SPON1: variants seen among roughly 807,000 people sequenced by gnomAD.
SPON1 encodes the protein spondin-1.
SPON1 carries 52 observed loss-of-function variants against 111.7 expected under a neutral mutation model. The ratio of observed to expected loss-of-function variants is 0.47; its 90% CI spans 0.37 to 0.59. SPON1 has a LOEUF of 0.59. Among genes scored for constraint, SPON1 ranks in the 20% least tolerant of loss-of-function variants. The pLI is 0.00. For missense variants in SPON1, 957 were observed against 1,068.5 expected, an observed-to-expected ratio of 0.90 and a Z score of 1.46; for synonymous variants, 410 against 395.8, an observed-to-expected ratio of 1.04 and a Z score of -0.43.
rs1316434751 is a variant in SPON1 at position 14,209,787 on chromosome 11, T to C, written c.826-33545T>C. Among the ~76,000 whole-genome samples the C allele has an allele frequency of 2.6e-5, 4 of 152,338 alleles. No individual in the cohort carries two copies. The East Asian group carries it at 7.7e-4, about 29-fold the overall frequency. ...TTTGGGTATATACCCAGTAATGGATTGCTGGGTCAAATGGTATTTCTAGTT... is the reference window on the plus strand; with the variant it reads ...TTTGGGTATATACCCAGTAATGGATCGCTGGGTCAAATGGTATTTCTAGTT... On this transcript the variant is annotated intron_variant, in intron 6 of 15. Coordinates refer to ENST00000576479, the MANE Select transcript of SPON1 (RefSeq NM_006108.4).
intron 1 of SPON1, among the ~76,000 whole-genome samples, chr11:13,981,259 G>C (rs1848141744): frequency 6.6e-6 from 1 of 152,154 alleles, no homozygotes; most frequent in Non-Finnish European, 1.5e-5. Flanking sequence ...AGGAGACTGG[G>C]GGTCCAATGG....
intron 5 of SPON1, among the ~76,000 whole-genome samples, chr11:14,116,900 T>C (rs1849271000): frequency 6.6e-6 from 1 of 152,208 alleles, no homozygotes; most frequent in Non-Finnish European, 1.5e-5. Context: ...GTTTTATAGC[T>C]TTCTGTGGAT....
In SPON1 at chr11:14,225,516, C is replaced by T. The variant is rs540230369; in HGVS notation, c.826-17816C>T. ...AAACTTCTAAGCTATTTATTTTCTT[C>T]CTTTTGCTTTGGAGATTGTGCTGTG... On this transcript the variant is annotated intron_variant, in intron 6 of 15. Coordinates refer to ENST00000576479, the MANE Select transcript of SPON1 (RefSeq NM_006108.4). Among the ~76,000 whole-genome samples, 8 of 152,206 alleles carry T rather than the reference C, an allele frequency of 5.3e-5. No homozygotes were observed. In the South Asian group the frequency reaches 1.7e-3, roughly 32 times the overall value.
chr11:14,220,895 A>G (rs1554937527), intron 6 of SPON1, among the ~76,000 whole-genome samples: 2 of 152,190 alleles, frequency 1.3e-5, no homozygotes, highest in Non-Finnish European at 2.9e-5. Context: ...GGATTAAAAT[A>G]GGAACAAAGT....
intron 2 of SPON1, among the ~76,000 whole-genome samples, chr11:14,041,026 A>G (rs1283796214): frequency 3.3e-5 from 5 of 152,220 alleles, no homozygotes; most frequent in Non-Finnish European, 7.3e-5. Context: ...CAATGCACAG[A>G]TTAAGGAAGT....
intron 6 of SPON1, among the ~76,000 whole-genome samples, chr11:14,165,101 C>T (rs1848012956): frequency 6.6e-6 from 1 of 152,102 alleles, no homozygotes; most frequent in Non-Finnish European, 1.5e-5. Flanking sequence ...AAGAAGGAGA[C>T]CTGCTTTGAC....
At chr11:14,065,530 A>T (rs1310878603) in intron 3 of SPON1, among the ~76,000 whole-genome samples, 2 of 152,250 alleles carry the variant, frequency 1.3e-5, no homozygotes, top group Admixed American at 6.5e-5. Flanking sequence ...CAGCTGAGAC[A>T]GGTTCTATTT....
intron 3 of SPON1, among the ~76,000 whole-genome samples, chr11:14,059,364 A>C (rs1167861597): frequency 6.6e-6 from 1 of 152,214 alleles, no homozygotes; most frequent in Non-Finnish European, 1.5e-5. Context: ...AACTGAATAA[A>C]GCAAAGTCAA....
At chr11:14,004,563 T>C (rs2133794538) in intron 2 of SPON1, among the ~76,000 whole-genome samples, 1 of 152,318 alleles carries the variant, frequency 6.6e-6, no homozygotes, top group South Asian at 2.1e-4. Flanking sequence ...GTGGTTTTAA[T>C]TTGCATTTCC....
At chr11:14,029,618 GCTC>G (rs1848544005) in intron 2 of SPON1, among the ~76,000 whole-genome samples, 1 of 152,112 alleles carries the variant, frequency 6.6e-6, no homozygotes, top group Non-Finnish European at 1.5e-5. Context: ...GAGAGGCCAG[GCTC>G]CTCCCCACTG....
chr11:14,089,402 T>G (rs1382909534), intron 5 of SPON1, among the ~76,000 whole-genome samples: 6 of 152,194 alleles, frequency 3.9e-5, no homozygotes, highest in Non-Finnish European at 5.9e-5. Context: ...CTTCTGCAGG[T>G]ATGCTGCAGT....
chr11:14,229,951 CGTGTGTGT>C (rs55709324), intron 6 of SPON1, among the ~76,000 whole-genome samples: 10,962 of 145,016 alleles, frequency 0.076, 423 homozygotes, highest in Admixed American at 0.082. Flanking sequence ...TCTGTGTGTC[CGTGTGTGT>C]GTGTGTGTGT....
chr11:14,067,089 A>G (rs1281249543), intron 3 of SPON1, among the ~76,000 whole-genome samples: 8 of 152,168 alleles, frequency 5.3e-5, no homozygotes, highest in African/African-American at 9.7e-5. Context: ...AGCCAGGAGG[A>G]TCACTTGAGT....
chr11:14,131,891 G>A (rs781865851), intron 5 of SPON1, among the ~76,000 whole-genome samples: 1 of 152,112 alleles, frequency 6.6e-6, no homozygotes, highest in Non-Finnish European at 1.5e-5. Flanking sequence ...TGCCTGTCTT[G>A]TCCCCCGAGG....
chr11:14,073,693 G>A (rs1476865134), intron 3 of SPON1, among the ~76,000 whole-genome samples: 1 of 152,114 alleles, frequency 6.6e-6, no homozygotes, highest in African/African-American at 2.4e-5. Context: ...TTTAATCAAG[G>A]TTGTGTTAAA....
At chr11:14,024,338 C>T (rs1358672953) in intron 2 of SPON1, among the ~76,000 whole-genome samples, 2 of 152,186 alleles carry the variant, frequency 1.3e-5, no homozygotes, top group Non-Finnish European at 1.5e-5. Flanking sequence ...ATCCTGAGTT[C>T]TTGCCCAGTG....
At chr11:14,011,290 C>A (rs1848402621) in intron 2 of SPON1, among the ~76,000 whole-genome samples, 1 of 152,164 alleles carries the variant, frequency 6.6e-6, no homozygotes, top group Admixed American at 6.5e-5. Context: ...TTTGTGACTT[C>A]TAGGCATGGC....
chr11:14,133,361 G>T (rs1185509129), intron 5 of SPON1, among the ~76,000 whole-genome samples: 1 of 152,226 alleles, frequency 6.6e-6, no homozygotes, highest in African/African-American at 2.4e-5. Context: ...TCAGCCTAGT[G>T]AGATAACAGA....
At chr11:14,001,971 T>C (rs1435860549) in intron 2 of SPON1, among the ~76,000 whole-genome samples, 1 of 152,114 alleles carries the variant, frequency 6.6e-6, no homozygotes, top group Non-Finnish European at 1.5e-5. Context: ...GATCAACATA[T>C]CAGAGGAGGG....
Sources: gnomAD v4.1 joint callset for allele counts (sites outside exome capture counted in the v4.1 genomes callset) on GRCh38, gnomAD v4.1.1 for gene constraint, MANE v1.5 for transcripts, NCBI Gene and HGNC (gene_info 2026-07-23, HGNC 2026-07-21) for gene names.